Variants in HERC3 observed in about 807,000 individuals in gnomAD.
The protein encoded by HERC3 is HECT and RLD domain containing E3 ubiquitin protein ligase 3, also known as probable E3 ubiquitin-protein ligase HERC3.
A neutral mutation model predicts 129.9 loss-of-function variants in HERC3; 58 were observed. The ratio of observed to expected loss-of-function variants is 0.45; its 90% confidence interval spans 0.36 to 0.56. The LOEUF (loss-of-function observed/expected upper bound fraction) is 0.56, where lower values mean the gene tolerates loss of function less well. Among genes scored for constraint, HERC3 ranks in the 20% least tolerant of loss-of-function variants. HERC3 has a pLI of 0.00. For missense variants in HERC3, 835 were observed against 1,244.2 expected (o/e 0.67, Z 4.95); for synonymous variants, 430 against 451.0 (o/e 0.95, Z 0.59).
In HERC3 at chr4:88,658,425, A is replaced by G; in HGVS notation, c.1080A>G (p.Lys360=). ...TTTTTTTTTTGACAGATCGCTTTAA[A>G]TATCATATCGTTAAGCAGATCTTCT... ...GQLSARADRF[K]YHIVKQIFSG... The change falls in exon 10 of 26, where the codon AAA becomes AAG. Residue 360 remains lysine (K), a synonymous_variant. Transcript: ENST00000402738. 2 of 1,587,170 alleles carry G rather than the reference A, an allele frequency of 1.3e-6. No individual in the cohort carries two copies. Among genetic ancestry groups the G allele is most frequent in the South Asian group, 2.3e-5 (2 of 86,996 alleles).
At chr4:88,674,694 TG>T (rs1425054165) in intron 16 of HERC3, among the ~76,000 whole-genome samples, 1 of 152,214 alleles carries the variant, frequency 6.6e-6, no homozygotes, top group Non-Finnish European at 1.5e-5. Flanking sequence ...TTTGTTTTTT[TG>T]TTTTTAGTCA....
rs1352993043 is a variant in HERC3, at chr4:88,708,418, A to G, written c.*1458A>G. 1 of 152,522 alleles carries G rather than the reference A, an allele frequency of 6.6e-6. No homozygotes were observed. The highest frequency in any genetic ancestry group is 1.5e-5 in the Non-Finnish European group (1 of 68,012). 9.4% of individuals were successfully genotyped at this position (152,522 alleles called of 1,614,324 possible). A position where few individuals can be genotyped will look rare whatever the true frequency, so the allele number is the denominator to read the frequency against. On this transcript the variant is annotated 3_prime_UTR_variant, in exon 26 of 26. Coordinates refer to ENST00000402738, the MANE Select transcript of HERC3 (RefSeq NM_014606.3). The stretch of plus-strand genomic sequence containing the variant: ...AACTTATTCCAATTGCTAAATTGGT[A>G]GTTTTTCAGTCTTTATAAATACAGG...
intron 23 of HERC3, among the ~76,000 whole-genome samples, chr4:88,698,831 C>G (rs1347902214): frequency 2.7e-5 from 4 of 148,702 alleles, no homozygotes; most frequent in African/African-American, 1.0e-4. Context: ...TCACTGCCTC[C>G]TTCCTCACCT....
the HERC3 span, among the ~76,000 whole-genome samples, chr4:88,556,377 A>C: frequency 6.6e-6 from 1 of 152,064 alleles, no homozygotes; most frequent in African/African-American, 2.4e-5. Context: ...CTAAAACCAC[A>C]CTCTTTAGCA....
At chr4:88,650,867 C>G (rs949854084) in intron 4 of HERC3, among the ~76,000 whole-genome samples, 1 of 152,194 alleles carries the variant, frequency 6.6e-6, no homozygotes. Flanking sequence ...GCCTCTCCTC[C>G]TCTGCCTAAT....
chr4:88,653,226 C>A (rs372288343), intron 6 of HERC3, 136 bp downstream of exon 6: 1 of 829,356 alleles, frequency 1.2e-6, no homozygotes, highest in Non-Finnish European at 1.9e-6. Context: ...AGAACATCCT[C>A]GTCTTAGTGG....
chr4:88,667,458 G>T lies in HERC3; in HGVS notation c.1413G>T (p.Met471Ile). Residue 471 changes from methionine to isoleucine, a missense_variant, in exon 13 of 26, where the codon ATG (methionine) becomes ATT (isoleucine). Transcript: ENST00000402738. ...NSTRVLFEKL[M>I]NSQHSMILEQ... ...CTAGGGTGTTATTTGAGAAGTTAATGAACTCTCAGCACTCCATGATTCTAG... is the reference window on the plus strand; with the variant it reads ...CTAGGGTGTTATTTGAGAAGTTAATTAACTCTCAGCACTCCATGATTCTAG... The T allele has an allele frequency of 6.2e-7, 1 of 1,602,792 alleles. No individual in the cohort carries two copies. Among genetic ancestry groups the T allele is most frequent in the South Asian group, 1.1e-5 (1 of 90,234 alleles).
chr4:88,683,289 TG>T (rs1180411579), intron 21 of HERC3, among the ~76,000 whole-genome samples: 1 of 152,136 alleles, frequency 6.6e-6, no homozygotes, highest in African/African-American at 2.4e-5. Context: ...AACATCTTTT[TG>T]TAGAGAAGGG....
At chr4:88,658,920 C>T (rs1261153834) in intron 10 of HERC3, among the ~76,000 whole-genome samples, 1 of 152,106 alleles carries the variant, frequency 6.6e-6, no homozygotes, top group African/African-American at 2.4e-5. Flanking sequence ...CCACAATTTT[C>T]AGATGTATTT....
At chr4:88,523,945 C>G in the HERC3 span, 1 of 488,104 alleles carries the variant, frequency 2.0e-6, no homozygotes, top group Non-Finnish European at 3.6e-6. Context: ...GAGTGCCCCG[C>G]CGCCTTACCA....
At chr4:88,706,623 C>T (rs77860352) in intron 25 of HERC3, 129 bp from the exon 26 acceptor site, 47,943 of 686,274 alleles carry the variant, frequency 0.07, 2,078 homozygotes, top group African/African-American at 0.092. Context: ...TGCATATTGG[C>T]ACATAAATGT....
At chr4:88,589,265 G>A (rs1721603063), upstream of HERC3, among the ~76,000 whole-genome samples, 1 of 151,916 alleles carries the variant, frequency 6.6e-6, no homozygotes, top group Non-Finnish European at 1.5e-5. Context: ...TTATTTTTTG[G>A]AGAGACAGGG....
intron 23 of HERC3, among the ~76,000 whole-genome samples, chr4:88,689,190 C>T (rs1733795799): frequency 6.6e-6 from 1 of 151,998 alleles, no homozygotes; most frequent in African/African-American, 2.4e-5. Flanking sequence ...TCTTGATTTT[C>T]TTTCATAATC....
chr4:88,664,073 G>T (rs189511205), intron 11 of HERC3, 80 bp from the exon 12 acceptor site: 6 of 1,184,968 alleles, frequency 5.1e-6, no homozygotes, highest in African/African-American at 1.6e-5. Flanking sequence ...TGAGTAGATG[G>T]TTACTTTATT....
chr4:88,591,063 T>C (rs1467292149), upstream of HERC3, among the ~76,000 whole-genome samples: 1 of 151,936 alleles, frequency 6.6e-6, no homozygotes. Context: ...CTAATTTTGG[T>C]ATTTTTTTTT....
the HERC3 span, among the ~76,000 whole-genome samples, chr4:88,528,676 C>G: frequency 6.6e-6 from 1 of 152,134 alleles, no homozygotes; most frequent in Non-Finnish European, 1.5e-5. Flanking sequence ...TTACAGAGTG[C>G]TCTTTCTCCA....
intron 3 of HERC3, among the ~76,000 whole-genome samples, chr4:88,619,865 G>A (rs17014307): frequency 0.082 from 12,450 of 152,186 alleles, 729 homozygotes; most frequent in South Asian, 0.23. Context: ...GAATGAAAAC[G>A]AGATTCCACT....
At chr4:88,578,828 T>C in the HERC3 span, among the ~76,000 whole-genome samples, 2 of 152,028 alleles carry the variant, frequency 1.3e-5, no homozygotes, top group Admixed American at 1.3e-4. Context: ...TTGTCTAAGA[T>C]CATATAGTGG....
chr4:88,612,149 A>G (rs1724402543), intron 3 of HERC3, among the ~76,000 whole-genome samples: 1 of 152,156 alleles, frequency 6.6e-6, no homozygotes, highest in African/African-American at 2.4e-5. Flanking sequence ...CAGTGATTCT[A>G]AGGGTTTTGG....
Sources: gnomAD v4.1 joint callset for allele counts (sites outside exome capture counted in the v4.1 genomes callset) on GRCh38, gnomAD v4.1.1 for gene constraint, MANE v1.5 for transcripts, NCBI Gene and HGNC (gene_info 2026-07-23, HGNC 2026-07-21) for gene names.